The following CALN1 variants were observed in gnomAD, a reference collection of about 807,000 sequenced individuals.
CALN1 encodes calcium-binding protein 8.
CALN1 carries 17 observed loss-of-function variants against 30.6 expected under a neutral mutation model. The observed-to-expected ratio is 0.56, with a 90% CI of 0.38 to 0.83. The LOEUF (loss-of-function observed/expected upper bound fraction) is 0.83. Among genes scored for constraint, CALN1 ranks in the 40% least tolerant of loss-of-function variants. The pLI is 0.00. For missense variants in CALN1, 291 were observed against 354.9 expected (o/e 0.82, Z 1.45); for synonymous variants, 156 against 131.4 (o/e 1.19, Z -1.28).
At chr7:72,328,962 G>C (rs1801474641) in intron 2 of CALN1, among the ~76,000 whole-genome samples, 1 of 152,252 alleles carries the variant, frequency 6.6e-6, no homozygotes, top group African/African-American at 2.4e-5. Context: ...CTCCCAAAGT[G>C]CTGGGATTAC....
At chr7:71,827,490 G>C (rs1175695699) in intron 5 of CALN1, among the ~76,000 whole-genome samples, 1 of 152,176 alleles carries the variant, frequency 6.6e-6, no homozygotes, top group African/African-American at 2.4e-5. Flanking sequence ...AAAGAGTGAG[G>C]ACGGGCATGG....
At chr7:72,502,189 G>A in the CALN1 span, among the ~76,000 whole-genome samples, 1 of 149,162 alleles carries the variant, frequency 6.7e-6, no homozygotes, top group Non-Finnish European at 1.5e-5. Flanking sequence ...AAAACCTTAG[G>A]AGGGACGAGG....
At chr7:72,034,795 CAAAAAAAAA>C in intron 4 of CALN1, among the ~76,000 whole-genome samples, 1 of 52,632 alleles carries the variant, frequency 1.9e-5, no homozygotes, top group African/African-American at 6.4e-5. Flanking sequence ...GACTCTGTCT[CAAAAAAAAA>C]AAAAAAAAAA....
the CALN1 span, among the ~76,000 whole-genome samples, chr7:72,473,646 T>C: frequency 0.05 from 7,651 of 152,068 alleles, 235 homozygotes; most frequent in African/African-American, 0.068. Context: ...CAAAAAGCAT[T>C]TGAGGGCTGG....
chr7:72,280,622 G>A (rs1005455560), intron 2 of CALN1, among the ~76,000 whole-genome samples: 2 of 152,138 alleles, frequency 1.3e-5, no homozygotes, highest in African/African-American at 4.8e-5. Flanking sequence ...TTTTCCTTAA[G>A]GCCAATCCTG....
At chr7:72,324,742 C>T (rs575979182) in intron 2 of CALN1, among the ~76,000 whole-genome samples, 128 of 151,940 alleles carry the variant, frequency 8.4e-4, no homozygotes, top group Non-Finnish European at 1.2e-3. Flanking sequence ...CCACCACACC[C>T]GGCTAATTTT....
intron 1 of CALN1, among the ~76,000 whole-genome samples, chr7:72,429,772 T>TAA (rs397731665): frequency 6.7e-6 from 1 of 149,210 alleles, no homozygotes; most frequent in Non-Finnish European, 1.5e-5. Flanking sequence ...TATATATATA[T>TAA]GTATATACAT....
chr7:72,169,210 A>G (rs1240750781), intron 3 of CALN1, among the ~76,000 whole-genome samples: 2 of 152,160 alleles, frequency 1.3e-5, no homozygotes, highest in Non-Finnish European at 2.9e-5. Flanking sequence ...TGCACCACAT[A>G]AAAAGAACTT....
intron 5 of CALN1, among the ~76,000 whole-genome samples, chr7:72,009,526 A>G (rs951022421): frequency 1.3e-5 from 2 of 152,252 alleles, no homozygotes; most frequent in African/African-American, 2.4e-5. Context: ...CCATTTGAGA[A>G]AAAGCTATCA....
At chr7:72,048,174 G>A (rs531098291) in intron 4 of CALN1, among the ~76,000 whole-genome samples, 1 of 151,728 alleles carries the variant, frequency 6.6e-6, no homozygotes, top group Admixed American at 6.6e-5. Context: ...CAAGTAGCTG[G>A]GAGTACAGGT....
chr7:72,309,541 G>C (rs1017977137), intron 2 of CALN1, among the ~76,000 whole-genome samples: 2 of 151,952 alleles, frequency 1.3e-5, no homozygotes, highest in African/African-American at 4.8e-5. Context: ...GGGACTCAAG[G>C]AACGGCAACA....
intron 5 of CALN1, among the ~76,000 whole-genome samples, chr7:71,955,217 C>T (rs374114072): frequency 4.6e-5 from 7 of 152,152 alleles, no homozygotes; most frequent in African/African-American, 9.6e-5. Context: ...CATCAGATCT[C>T]GTGAGACGTA....
chr7:72,499,968 G>A, the CALN1 span, among the ~76,000 whole-genome samples: 2 of 150,406 alleles, frequency 1.3e-5, no homozygotes, highest in African/African-American at 4.9e-5. Flanking sequence ...CTGAAGTACA[G>A]TGGCACGATC....
At position 72,096,345 on chromosome 7, in the gene CALN1, C is replaced by G. The variant is rs573922502; in HGVS notation, c.388+9806G>C. On this transcript the variant is annotated intron_variant, in intron 4 of 6. Transcript: ENST00000395275. ...GGTTTTCAAGGGAAAAACTCCTCAT[C>G]ATCTCACATGTATCTTCCACTCAGA... 2.7e-4 allele frequency among the ~76,000 whole-genome samples: 41 copies of G among 152,308 alleles called. 1 individual carries two copies. In the Middle Eastern group the frequency reaches 0.01, roughly 38 times the overall value.
At chr7:72,124,223 A>ACCTTTACC (rs1808587010) in intron 3 of CALN1, among the ~76,000 whole-genome samples, 1 of 152,206 alleles carries the variant, frequency 6.6e-6, no homozygotes, top group South Asian at 2.1e-4. Flanking sequence ...TGGTAAAGGT[A>ACCTTTACC]ACACTGCAAT....
chr7:72,370,403 G>A (rs2138757), intron 2 of CALN1, among the ~76,000 whole-genome samples: 58,746 of 151,906 alleles, frequency 0.39, 12,007 homozygotes, highest in Admixed American at 0.46. Context: ...TAAGACATGT[G>A]ATTGACTTTG....
intron 4 of CALN1, among the ~76,000 whole-genome samples, chr7:72,052,098 G>C (rs766028704): frequency 6.6e-6 from 1 of 152,156 alleles, no homozygotes; most frequent in South Asian, 2.1e-4. Flanking sequence ...CACTATTCAG[G>C]AGATGGTATG....
chr7:72,343,899 T>C (rs567016576), intron 2 of CALN1, among the ~76,000 whole-genome samples: 1 of 152,206 alleles, frequency 6.6e-6, no homozygotes, highest in Non-Finnish European at 1.5e-5. Flanking sequence ...GATGGGGCTG[T>C]AATATCCTTT....
At chr7:71,800,813 A>C (rs1787254423) in intron 6 of CALN1, among the ~76,000 whole-genome samples, 1 of 152,190 alleles carries the variant, frequency 6.6e-6, no homozygotes, top group Non-Finnish European at 1.5e-5. Context: ...GCAATTAAAA[A>C]AAAAATTATT....
Sources: allele counts gnomAD v4.1 joint callset (sites outside exome capture counted in the v4.1 genomes callset), GRCh38; gene constraint gnomAD v4.1.1; transcripts MANE v1.5; gene names NCBI Gene and HGNC (gene_info 2026-07-23, HGNC 2026-07-21).